Variants in PRKCQ observed in about 807,000 individuals in gnomAD.
PRKCQ encodes protein kinase C theta type.
A neutral mutation model predicts 91.2 loss-of-function variants in PRKCQ; 41 were observed. The ratio of observed to expected loss-of-function variants is 0.45; its 90% confidence interval spans 0.35 to 0.58. The LOEUF (loss-of-function observed/expected upper bound fraction) is 0.58, where lower values mean the gene tolerates loss of function less well. PRKCQ is among the 20% of genes least tolerant of loss of function. The pLI, the probability that PRKCQ is intolerant of heterozygous loss-of-function variation, is 0.00. For synonymous variants in PRKCQ, 307 were observed against 316.9 expected, an observed-to-expected ratio of 0.97 and a Z score of 0.33; for missense variants, 673 against 896.5, an observed-to-expected ratio of 0.75 and a Z score of 3.18.
intron 14 of PRKCQ, 73 bp downstream of exon 14, chr10:6,462,230 C>A: frequency 7.3e-7 from 1 of 1,364,386 alleles, no homozygotes; most frequent in Non-Finnish European, 1.0e-6. Context: ...TCACAGCACT[C>A]GGTGCAATGA....
intron 1 of PRKCQ, among the ~76,000 whole-genome samples, chr10:6,573,046 G>A (rs187601485): frequency 2.0e-5 from 3 of 152,154 alleles, no homozygotes; most frequent in South Asian, 2.1e-4. Flanking sequence ...TTTTAGGTAC[G>A]AACAGATTTA....
chr10:6,559,857 T>C (rs1421852310), intron 1 of PRKCQ, among the ~76,000 whole-genome samples: 3 of 152,252 alleles, frequency 2.0e-5, no homozygotes, highest in Non-Finnish European at 4.4e-5. Flanking sequence ...TGATACATCA[T>C]ATTTTGCATA....
intron 7 of PRKCQ, among the ~76,000 whole-genome samples, chr10:6,495,405 T>C (rs1420634199): frequency 6.6e-6 from 1 of 152,142 alleles, no homozygotes; most frequent in Non-Finnish European, 1.5e-5. Flanking sequence ...CTCAGCAGGG[T>C]CTTCCAGCCT....
In PRKCQ at chr10:6,576,761, C is replaced by T. The variant is rs903075135; in HGVS notation, c.-10+3450G>A. On this transcript the variant is annotated intron_variant, in intron 1 of 17. Coordinates refer to ENST00000263125, the MANE Select transcript of PRKCQ (RefSeq NM_006257.5). This position sits in a 1 kb window ranked among gnomAD's most constrained non-coding sequence, Gnocchi z 4.2. The stretch of plus-strand genomic sequence containing the variant: ...TTAACTGGTAGGTCACCTGGGACTG[C>T]GGTTTAAAGCAAATGCTTGATGGTT... Among the ~76,000 whole-genome samples the T allele has an allele frequency of 2.6e-5, 4 of 152,116 alleles. No homozygotes were observed. Among genetic ancestry groups the T allele is most frequent in the African/African-American group, 7.2e-5 (3 of 41,416 alleles).
chr10:6,511,690 A>T (rs1838485404), intron 2 of PRKCQ, among the ~76,000 whole-genome samples: 1 of 152,244 alleles, frequency 6.6e-6, no homozygotes, highest in Non-Finnish European at 1.5e-5. Flanking sequence ...GTAAGTAAGC[A>T]ATCATGATGA....
intron 4 of PRKCQ, 67 bp from the exon 5 acceptor site, chr10:6,498,625 C>A: frequency 6.5e-7 from 1 of 1,529,474 alleles, no homozygotes; most frequent in South Asian, 1.2e-5. Context: ...TAAGCTGGGT[C>A]AGGAGGGGAG....
At chr10:6,412,068 T>G in the PRKCQ span, among the ~76,000 whole-genome samples, 6 of 152,318 alleles carry the variant, frequency 3.9e-5, no homozygotes, top group African/African-American at 1.2e-4. Context: ...AGAAACTTAT[T>G]TTTTTAAGAG....
rs1838460470 is a variant in PRKCQ, at chr10:6,511,214, G to T, written c.119-20C>A. 6.2e-6 allele frequency: 10 copies of T among 1,608,886 alleles called. No individual in the cohort carries two copies. Among genetic ancestry groups the T allele is most frequent in the Non-Finnish European group, 6.8e-6 (8 of 1,175,744 alleles). On this transcript the variant is annotated intron_variant, in intron 2 of 17. Coordinates refer to ENST00000263125, the MANE Select transcript of PRKCQ (RefSeq NM_006257.5). Reference sequence around the variant, plus strand: ...CGTTCTCTAGGAACAGAAACGTAAGGTCTCATTATTCCTTCAGCCAGGCCT... The same window carrying T: ...CGTTCTCTAGGAACAGAAACGTAAGTTCTCATTATTCCTTCAGCCAGGCCT...
At chr10:6,547,727 T>C (rs1440291933) in intron 1 of PRKCQ, among the ~76,000 whole-genome samples, 1 of 151,690 alleles carries the variant, frequency 6.6e-6, no homozygotes. Flanking sequence ...ATACAAAAAT[T>C]AATTCAAGAT....
intron 11 of PRKCQ, among the ~76,000 whole-genome samples, 180 bp downstream of exon 11, chr10:6,483,260 T>C (rs1836711777): frequency 6.6e-6 from 1 of 152,198 alleles, no homozygotes; most frequent in South Asian, 2.1e-4. Flanking sequence ...TCCAGAAAGC[T>C]GAGGCTACTA....
At chr10:6,559,918 C>A (rs779957045) in intron 1 of PRKCQ, among the ~76,000 whole-genome samples, 6 of 152,112 alleles carry the variant, frequency 3.9e-5, no homozygotes, top group Non-Finnish European at 4.4e-5. Context: ...GTGTAGTGGT[C>A]AAGTCACTGT....
At chr10:6,545,336 G>C (rs919877922) in intron 1 of PRKCQ, among the ~76,000 whole-genome samples, 2 of 152,194 alleles carry the variant, frequency 1.3e-5, no homozygotes, top group African/African-American at 4.8e-5. Flanking sequence ...TTTGAAAAAT[G>C]GCCTACTGAT....
At chr10:6,487,100 C>T (rs1380653173) in intron 8 of PRKCQ, among the ~76,000 whole-genome samples, 1 of 152,166 alleles carries the variant, frequency 6.6e-6, no homozygotes, top group East Asian at 1.9e-4. Flanking sequence ...TGAGCACATT[C>T]CCCAGTTTCC....
At chr10:6,479,605 T>C (rs1395127331) in intron 11 of PRKCQ, among the ~76,000 whole-genome samples, 1 of 151,762 alleles carries the variant, frequency 6.6e-6, no homozygotes, top group African/African-American at 2.4e-5. Flanking sequence ...AAAAGAAGAA[T>C]GGAGGGATAT....
intron 1 of PRKCQ, among the ~76,000 whole-genome samples, chr10:6,519,916 G>C (rs942382149): frequency 6.6e-6 from 1 of 152,204 alleles, no homozygotes. Context: ...TTTGAAGAGA[G>C]AGCACCTTCC....
the PRKCQ span, among the ~76,000 whole-genome samples, chr10:6,399,416 G>A: frequency 6.6e-6 from 1 of 152,140 alleles, no homozygotes; most frequent in African/African-American, 2.4e-5. Flanking sequence ...AGCTATTGCT[G>A]CGCTCTTGGC....
At chr10:6,512,546 C>T (rs182733402) in intron 2 of PRKCQ, among the ~76,000 whole-genome samples, 2 of 152,330 alleles carry the variant, frequency 1.3e-5, no homozygotes, top group Non-Finnish European at 2.9e-5. Context: ...ATTTCAGAAG[C>T]AGAAACCTGC....
Position 6,526,778 on chromosome 10 carries a change from G to A in PRKCQ, c.-9-11634C>T, listed in dbSNP as rs139334181. 1.9e-3 allele frequency among the ~76,000 whole-genome samples: 294 copies of A among 152,314 alleles called. 1 individual carries two copies. The highest frequency in any genetic ancestry group is 6.0e-3 in the African/African-American group (250 of 41,570). The stretch of plus-strand genomic sequence containing the variant: ...GTAGGACACCGCCCGAGGGGTCTAC[G>A]TGCTGTCTTCAGCTTTGAGTGCAGA... On this transcript the variant is annotated intron_variant, in intron 1 of 17. Coordinates refer to ENST00000263125, the MANE Select transcript of PRKCQ (RefSeq NM_006257.5).
chr10:6,456,822 A>G lies in PRKCQ; in HGVS notation c.1509-10T>C. ...ATCTAGCTTCAGGTCCCTGAAAAAC[A>G]AAAGTGAAGCAAATCTCACATTAAT... On this transcript the variant is annotated splice_polypyrimidine_tract_variant and intron_variant, in intron 14 of 17. Transcript: ENST00000263125. 9 of 1,613,564 alleles carry G rather than the reference A, an allele frequency of 5.6e-6. No individual in the cohort carries two copies. Among genetic ancestry groups the G allele is most frequent in the Non-Finnish European group, 6.8e-6 (8 of 1,179,746 alleles).
Sources: gnomAD v4.1 joint callset for allele counts (sites outside exome capture counted in the v4.1 genomes callset) on GRCh38, gnomAD v4.1.1 for gene constraint, Gnocchi (gnomAD v3.1) non-coding constraint, MANE v1.5 for transcripts, NCBI Gene and HGNC (gene_info 2026-07-23, HGNC 2026-07-21) for gene names.